The following MARCHF5 variants were observed in gnomAD, a reference collection of about 807,000 sequenced individuals.
MARCHF5 encodes membrane associated ring-CH-type finger 5, also known as E3 ubiquitin-protein ligase MARCHF5.
A neutral mutation model predicts 36.5 loss-of-function variants in MARCHF5; 5 were observed. That is an observed-to-expected ratio of 0.14 (90% CI 0.07 to 0.29). The LOEUF (loss-of-function observed/expected upper bound fraction) is 0.29. MARCHF5 is among the 10% of genes least tolerant of loss of function. The pLI, the probability that MARCHF5 is intolerant of heterozygous loss-of-function variation, is 1.00. For missense variants in MARCHF5, 179 were observed against 336.3 expected (o/e 0.53, Z 3.66); for synonymous variants, 103 against 109.9 (o/e 0.94, Z 0.39).
intron 2 of MARCHF5, among the ~76,000 whole-genome samples, chr10:92,324,242 T>G (rs529747531): frequency 6.6e-6 from 1 of 152,366 alleles, no homozygotes; most frequent in East Asian, 1.9e-4. Context: ...TGTTGACCTT[T>G]AAGAGTTCTT....
At chr10:92,301,204 C>T (rs559262027) in intron 1 of MARCHF5, among the ~76,000 whole-genome samples, 125 of 152,272 alleles carry the variant, frequency 8.2e-4, no homozygotes, top group African/African-American at 2.7e-3. Flanking sequence ...TAATTCTTTA[C>T]ATGCCGTAGT....
At chr10:92,294,960 G>A (rs958652714) in intron 1 of MARCHF5, among the ~76,000 whole-genome samples, 1 of 152,246 alleles carries the variant, frequency 6.6e-6, no homozygotes, top group Admixed American at 6.5e-5. Context: ...GATTCCTTGG[G>A]GGTCGTGGCT....
chr10:92,318,787 C>G (rs72809105), intron 2 of MARCHF5, among the ~76,000 whole-genome samples: 55 of 152,126 alleles, frequency 3.6e-4, no homozygotes, highest in Non-Finnish European at 5.4e-4. Context: ...CAACCTCTGC[C>G]TACTGCAGAG....
intron 2 of MARCHF5, among the ~76,000 whole-genome samples, chr10:92,318,724 A>G (rs902191943): frequency 6.6e-6 from 1 of 151,716 alleles, no homozygotes; most frequent in Admixed American, 6.6e-5. Flanking sequence ...CTAAGATGGA[A>G]TCTCACTCTT....
chr10:92,343,901 A>T (rs1232664613), intron 3 of MARCHF5, among the ~76,000 whole-genome samples: 2 of 152,176 alleles, frequency 1.3e-5, no homozygotes, highest in Admixed American at 6.5e-5. Context: ...CACTTCAAAT[A>T]ATGAGTATTA....
At chr10:92,336,597 G>A (rs1843504678) in intron 2 of MARCHF5, among the ~76,000 whole-genome samples, 1 of 152,098 alleles carries the variant, frequency 6.6e-6, no homozygotes, top group Non-Finnish European at 1.5e-5. Context: ...CAAATGGGGA[G>A]TGTGATGAAG....
chr10:92,339,123 A>T (rs192500145), intron 2 of MARCHF5, among the ~76,000 whole-genome samples: 1 of 152,294 alleles, frequency 6.6e-6, no homozygotes, highest in Admixed American at 6.5e-5. Flanking sequence ...TAATCCCAGC[A>T]CTTTTGGAGG....
At chr10:92,300,598 G>A (rs1417819036) in intron 1 of MARCHF5, among the ~76,000 whole-genome samples, 3 of 151,932 alleles carry the variant, frequency 2.0e-5, no homozygotes, top group African/African-American at 7.2e-5. Flanking sequence ...AAGATATGCC[G>A]TACATAGCTG....
intron 3 of MARCHF5, 74 bp from the exon 4 acceptor site, chr10:92,349,275 A>G: frequency 4.4e-6 from 5 of 1,127,452 alleles, no homozygotes; most frequent in Non-Finnish European, 6.2e-6. Context: ...ATTTTCTATT[A>G]AAAAAATAGA....
At chr10:92,313,493 T>C (rs1202270187) in intron 2 of MARCHF5, among the ~76,000 whole-genome samples, 1 of 151,712 alleles carries the variant, frequency 6.6e-6, no homozygotes, top group African/African-American at 2.4e-5. Flanking sequence ...TAGTTCCAGC[T>C]ACTCGGGAGG....
intron 2 of MARCHF5, among the ~76,000 whole-genome samples, chr10:92,319,975 CT>C (rs1352398121): frequency 1.6e-3 from 173 of 110,128 alleles, no homozygotes; most frequent in Non-Finnish European, 1.6e-3. Context: ...AATTTCTTTT[CT>C]TTTTTTTTTT....
intron 2 of MARCHF5, among the ~76,000 whole-genome samples, chr10:92,337,180 AC>A (rs1825696040): frequency 6.6e-6 from 1 of 151,414 alleles, no homozygotes; most frequent in Non-Finnish European, 1.5e-5. Flanking sequence ...GTTGCTAGTG[AC>A]CTTGATAAGC....
At chr10:92,346,140 T>C (rs1843641278) in intron 3 of MARCHF5, among the ~76,000 whole-genome samples, 1 of 152,238 alleles carries the variant, frequency 6.6e-6, no homozygotes, top group African/African-American at 2.4e-5. Context: ...TCACTGACTT[T>C]GTATTGGCCA....
At chr10:92,312,989 A>C (rs952365978) in intron 2 of MARCHF5, among the ~76,000 whole-genome samples, 1 of 152,376 alleles carries the variant, frequency 6.6e-6, no homozygotes, top group Non-Finnish European at 1.5e-5. Context: ...TAATCCCAGC[A>C]CTTTGGGAGG....
chr10:92,351,102 G>A lies in MARCHF5; in HGVS notation c.732G>A (p.Ala244=), dbSNP rs755509940. Residue 244 remains alanine (A), a synonymous_variant, in exon 6 of 6, where the codon GCG becomes GCA. Coordinates refer to ENST00000358935, the MANE Select transcript of MARCHF5 (RefSeq NM_017824.5). The stretch of plus-strand genomic sequence containing the variant: ...CCTTTTTATTTTAGGGTGGAATTGC[G>A]TTTGTTGCCATAAAAGGAGCATTTA... ...NLQRTILGGI[A]FVAIKGAFKV... is the part of the protein sequence containing the mutation. 25 of 1,603,896 alleles carry A rather than the reference G, an allele frequency of 1.6e-5. No homozygotes were observed. The highest frequency in any genetic ancestry group is 6.7e-5 in the African/African-American group (5 of 74,652).
intron 2 of MARCHF5, among the ~76,000 whole-genome samples, chr10:92,326,190 A>G (rs1412665177): frequency 1.3e-5 from 2 of 152,154 alleles, no homozygotes; most frequent in Non-Finnish European, 2.9e-5. Flanking sequence ...AGTTGTAACT[A>G]TTTTATTTTA....
At chr10:92,295,310 C>CT (rs1554945659) in intron 1 of MARCHF5, among the ~76,000 whole-genome samples, 4 of 26,238 alleles carry the variant, frequency 1.5e-4, no homozygotes, top group African/African-American at 4.0e-4. Flanking sequence ...CTAGAGGCAA[C>CT]TTTTCTTTTT....
chr10:92,315,607 A>T (rs548867912), intron 2 of MARCHF5, among the ~76,000 whole-genome samples: 3 of 152,236 alleles, frequency 2.0e-5, no homozygotes, highest in Admixed American at 1.3e-4. Context: ...CAGTGTTATC[A>T]CTCCTAGTTC....
At chr10:92,295,395 A>AT (rs1564941035) in intron 1 of MARCHF5, among the ~76,000 whole-genome samples, 1 of 66,644 alleles carries the variant, frequency 1.5e-5, no homozygotes, top group African/African-American at 5.2e-5. Flanking sequence ...TCTTTTATTT[A>AT]TTTATTTATT....
Sources: allele counts gnomAD v4.1 joint callset (sites outside exome capture counted in the v4.1 genomes callset), GRCh38; gene constraint gnomAD v4.1.1; transcripts MANE v1.5; gene names NCBI Gene and HGNC (gene_info 2026-07-23, HGNC 2026-07-21).